NAP1L4: variants seen among roughly 807,000 people sequenced by gnomAD.
NAP1L4 encodes nucleosome assembly protein 1-like 4.
A neutral mutation model predicts 58.2 loss-of-function variants in NAP1L4; 15 were observed. The observed-to-expected ratio is 0.26, with a 90% CI of 0.17 to 0.40. The LOEUF (loss-of-function observed/expected upper bound fraction) is 0.40. Ranked by LOEUF, NAP1L4 falls within the 10% of genes least tolerant of loss-of-function variation. NAP1L4 has a pLI of 1.00. For missense variants in NAP1L4, 384 were observed against 451.1 expected (o/e 0.85, Z 1.35); for synonymous variants, 171 against 155.6 (o/e 1.10, Z -0.74).
At position 2,945,626 on chromosome 11, in the gene NAP1L4, C is replaced by T. The variant is rs899424213; in HGVS notation, c.*53G>A. The T allele has an allele frequency of 3.9e-6, 6 of 1,536,020 alleles. No homozygotes were observed. The highest frequency in any genetic ancestry group is 5.2e-6 in the Non-Finnish European group (6 of 1,146,866). On this transcript the variant is annotated 3_prime_UTR_variant, in exon 16 of 16. Coordinates refer to ENST00000380542, the MANE Select transcript of NAP1L4 (RefSeq NM_005969.4). Reference sequence around the variant, plus strand: ...CCGCTTCCTACTGCTGCTTGCATTCCGCCGGCTGGCTGGGTTCCTTCTGTC... The same window carrying T: ...CCGCTTCCTACTGCTGCTTGCATTCTGCCGGCTGGCTGGGTTCCTTCTGTC...
At chr11:2,984,169 A>C (rs1254824776) in intron 1 of NAP1L4, among the ~76,000 whole-genome samples, 3 of 33,132 alleles carry the variant, frequency 9.1e-5, no homozygotes, top group Non-Finnish European at 2.1e-4. Flanking sequence ...CCTGCCTCAA[A>C]AAAAAAAAAA....
At chr11:2,974,142 T>A (rs544752970) in intron 4 of NAP1L4, among the ~76,000 whole-genome samples, 87 of 152,324 alleles carry the variant, frequency 5.7e-4, no homozygotes, top group African/African-American at 1.3e-3. Context: ...TTTTTTTTTT[T>A]AATTATACTT....
intron 3 of NAP1L4, among the ~76,000 whole-genome samples, chr11:2,977,565 C>A (rs1848040071): frequency 6.6e-6 from 1 of 152,096 alleles, no homozygotes; most frequent in African/African-American, 2.4e-5. Context: ...AACGCATGAT[C>A]CTTGAATAGG....
intron 9 of NAP1L4, 46 bp from the exon 10 acceptor site, chr11:2,958,590 A>AATCCATT (rs1846686432): frequency 1.9e-6 from 3 of 1,582,466 alleles, no homozygotes; most frequent in Non-Finnish European, 2.6e-6. Flanking sequence ...CCATGAGAAA[A>AATCCATT]ATCCATTACA....
intron 1 of NAP1L4, chr11:2,991,157 T>G (rs1206324538): frequency 1.1e-5 from 5 of 456,316 alleles, no homozygotes. Flanking sequence ...GCAGGTGATG[T>G]GACACACACG....
At chr11:2,953,449 G>C (rs939463493) in intron 12 of NAP1L4, among the ~76,000 whole-genome samples, 83 of 152,336 alleles carry the variant, frequency 5.4e-4, no homozygotes, top group African/African-American at 1.9e-3. Context: ...TCCTCAAGTG[G>C]TCAGTCCTAC....
rs1229500458 is a variant in NAP1L4, at chr11:2,949,627, C to T, written c.1123-363G>A. 2.0e-5 allele frequency among the ~76,000 whole-genome samples: 3 copies of T among 152,198 alleles called. No individual in the cohort carries two copies. Among genetic ancestry groups the T allele is most frequent in the African/African-American group, 7.2e-5 (3 of 41,430 alleles). On this transcript the variant is annotated intron_variant, in intron 14 of 15. Coordinates refer to ENST00000380542, the MANE Select transcript of NAP1L4 (RefSeq NM_005969.4). The surrounding 1 kb of genome is among the most constrained non-coding windows in gnomAD (Gnocchi z 4.0). The stretch of plus-strand genomic sequence containing the variant: ...ACTTCATTCACACCATTAGCCGGAA[C>T]ATGTTTTTAGTCCCTTCTCCCCCAA...
intron 4 of NAP1L4, among the ~76,000 whole-genome samples, chr11:2,974,146 T>A (rs1847815493): frequency 6.6e-6 from 1 of 152,228 alleles, no homozygotes; most frequent in Admixed American, 6.5e-5. Context: ...TTTTTTTAAT[T>A]ATACTTTAAG....
chr11:2,958,721 G>GC, intron 9 of NAP1L4, 177 bp from the exon 10 acceptor site: 1 of 617,226 alleles, frequency 1.6e-6, no homozygotes, highest in Non-Finnish European at 2.8e-6. Context: ...AAGAGAAACA[G>GC]CCTGGTCCTC....
rs751163434 is a variant in NAP1L4, at chr11:2,949,030, G to A, written c.*32+197C>T. On this transcript the variant is annotated intron_variant, in intron 15 of 15. Coordinates refer to ENST00000380542, the MANE Select transcript of NAP1L4 (RefSeq NM_005969.4). This position sits in a 1 kb window ranked among gnomAD's most constrained non-coding sequence, Gnocchi z 4.0. ...GCTACTTGGTTAGCAAGAAACACTG[G>A]GCTCAGAAAGCAGGGACCAAATCTA... 6.6e-6 allele frequency among the ~76,000 whole-genome samples: 1 copy of A among 152,138 alleles called. No homozygotes were observed. The highest frequency in any genetic ancestry group is 1.5e-5 in the Non-Finnish European group (1 of 68,040).
intron 4 of NAP1L4, among the ~76,000 whole-genome samples, chr11:2,974,214 T>C (rs531929932): frequency 2.9e-4 from 44 of 152,340 alleles, no homozygotes; most frequent in Non-Finnish European, 5.6e-4. Flanking sequence ...ATGTGCCATG[T>C]TGGTGTGCTG....
chr11:2,961,001 A>G (rs1250716855), intron 8 of NAP1L4, among the ~76,000 whole-genome samples: 1 of 152,156 alleles, frequency 6.6e-6, no homozygotes, highest in Non-Finnish European at 1.5e-5. Flanking sequence ...TACACTGGAA[A>G]TAACTCTCTC....
intron 1 of NAP1L4, among the ~76,000 whole-genome samples, chr11:2,981,418 C>CAAAAA (rs35499396): frequency 5.8e-4 from 24 of 41,280 alleles, no homozygotes; most frequent in South Asian, 1.4e-3. Flanking sequence ...TACCCTGTCT[C>CAAAAA]AAAAAAAAAA....
chr11:2,979,628 T>G (rs960360891), intron 1 of NAP1L4, among the ~76,000 whole-genome samples: 2 of 152,064 alleles, frequency 1.3e-5, no homozygotes, highest in East Asian at 3.9e-4. Context: ...CAAAATTAGC[T>G]GAGCGTGGTG....
intron 7 of NAP1L4, among the ~76,000 whole-genome samples, chr11:2,966,982 G>T (rs1169051858): frequency 2.6e-5 from 4 of 152,202 alleles, no homozygotes; most frequent in Non-Finnish European, 5.9e-5. Flanking sequence ...CACAACACTG[G>T]AGGCATCGCA....
At chr11:2,952,650 G>A (rs4758576) in intron 12 of NAP1L4, 128,039 of 152,298 alleles carry the variant, frequency 0.84, 54,257 homozygotes, top group African/African-American at 0.94. Flanking sequence ...ATGTGGCCAC[G>A]GTGCAGCGCC....
At chr11:2,958,853 G>T (rs1846701319) in intron 9 of NAP1L4, 1 of 322,186 alleles carries the variant, frequency 3.1e-6, no homozygotes, top group African/African-American at 2.1e-5. Context: ...AAGTCTGCAT[G>T]ATGCACAAGA....
chr11:2,984,664 C>T (rs1334475259), intron 1 of NAP1L4, among the ~76,000 whole-genome samples: 1 of 152,238 alleles, frequency 6.6e-6, no homozygotes, highest in Non-Finnish European at 1.5e-5. Flanking sequence ...CAGGCCCTGT[C>T]TACTTCCCCA....
chr11:2,987,459 T>C (rs1465884772), intron 1 of NAP1L4, among the ~76,000 whole-genome samples: 9 of 150,958 alleles, frequency 6.0e-5, no homozygotes. Flanking sequence ...TGATAATGTT[T>C]AAAAGCAATG....
Sources: allele counts gnomAD v4.1 joint callset (sites outside exome capture counted in the v4.1 genomes callset), GRCh38; gene constraint gnomAD v4.1.1; non-coding constraint Gnocchi (gnomAD v3.1); transcripts MANE v1.5; gene names NCBI Gene and HGNC (gene_info 2026-07-23, HGNC 2026-07-21).